The following PRSS3 variants were observed in gnomAD, a reference collection of about 807,000 sequenced individuals.
PRSS3 encodes the protein serine protease 3.
In PRSS3, 14 loss-of-function variants were observed where a neutral mutation model predicts 20.8. The observed-to-expected ratio is 0.67, with a 90% CI of 0.44 to 1.05. PRSS3 has a LOEUF of 1.05. PRSS3 is among the 50% of genes least tolerant of loss of function. PRSS3 has a pLI of 0.00. For missense variants in PRSS3, 237 were observed against 306.4 expected (o/e 0.77, Z 1.69); for synonymous variants, 91 against 117.6 (o/e 0.77, Z 1.46).
chr9:33,755,514 C>A (rs1362789838), intron 1 of PRSS3, among the ~76,000 whole-genome samples: 1 of 152,050 alleles, frequency 6.6e-6, no homozygotes, highest in Non-Finnish European at 1.5e-5. Flanking sequence ...TCCTTTACAC[C>A]CCCACCCTCC....
chr9:33,781,338 C>T (rs1234468756), intron 1 of PRSS3, among the ~76,000 whole-genome samples: 4 of 152,208 alleles, frequency 2.6e-5, no homozygotes, highest in Non-Finnish European at 4.4e-5. Context: ...TGGAATACTA[C>T]ACAGCCCTAA....
intron 1 of PRSS3, among the ~76,000 whole-genome samples, chr9:33,782,057 T>G (rs747930000): frequency 6.6e-6 from 1 of 152,354 alleles, no homozygotes; most frequent in South Asian, 2.1e-4. Context: ...CTGAGGCCTA[T>G]GTAGAGGTCT....
intron 2 of PRSS3, among the ~76,000 whole-genome samples, chr9:33,797,254 G>A (rs1334452409): frequency 1.3e-5 from 2 of 150,728 alleles, no homozygotes; most frequent in African/African-American, 4.9e-5. Flanking sequence ...TCAAACCTGA[G>A]TATGCGTCAA....
At chr9:33,783,907 A>G (rs1413575457) in intron 1 of PRSS3, among the ~76,000 whole-genome samples, 13 of 151,092 alleles carry the variant, frequency 8.6e-5, no homozygotes, top group African/African-American at 2.7e-4. Flanking sequence ...AAAAAAAAAA[A>G]GAAGGAGGAG....
At chr9:33,755,362 G>A (rs916226965) in intron 1 of PRSS3, among the ~76,000 whole-genome samples, 4 of 152,050 alleles carry the variant, frequency 2.6e-5, no homozygotes, top group African/African-American at 9.7e-5. Context: ...AACCCTAGTG[G>A]CAATTACTTT....
chr9:33,764,126 A>G (rs1051410575), intron 1 of PRSS3, among the ~76,000 whole-genome samples: 1 of 152,234 alleles, frequency 6.6e-6, no homozygotes, highest in Admixed American at 6.5e-5. Context: ...AGATGCCAAG[A>G]CAATTCAATA....
chr9:33,794,596 C>A, upstream of PRSS3: 2 of 926,892 alleles, frequency 2.2e-6, no homozygotes, highest in Non-Finnish European at 3.1e-6. Flanking sequence ...TTACCATGTG[C>A]TAAAATCTCT....
At chr9:33,775,436 G>A (rs1368650563) in intron 1 of PRSS3, among the ~76,000 whole-genome samples, 1 of 152,188 alleles carries the variant, frequency 6.6e-6, no homozygotes, top group African/African-American at 2.4e-5. Context: ...CCACAGCTTC[G>A]CTAGCTTGAG....
chr9:33,776,884 AT>A (rs1038410714), intron 1 of PRSS3, among the ~76,000 whole-genome samples: 1 of 152,118 alleles, frequency 6.6e-6, no homozygotes, highest in African/African-American at 2.4e-5. Context: ...AGATATAAAT[AT>A]TAAAAAGCAT....
At chr9:33,765,156 T>C (rs1009452303) in intron 1 of PRSS3, among the ~76,000 whole-genome samples, 2 of 152,230 alleles carry the variant, frequency 1.3e-5, no homozygotes, top group Non-Finnish European at 2.9e-5. Flanking sequence ...GTCATCACCC[T>C]TTATCTGCAG....
chr9:33,786,146 C>T (rs763150944), intron 1 of PRSS3: 5 of 418,154 alleles, frequency 1.2e-5, no homozygotes, highest in Non-Finnish European at 1.7e-5. Context: ...GAAAGAACTA[C>T]GCTGTAGGAA....
intron 1 of PRSS3, among the ~76,000 whole-genome samples, chr9:33,760,471 G>T (rs1823141531): frequency 1.3e-5 from 2 of 152,110 alleles, no homozygotes; most frequent in South Asian, 4.1e-4. Context: ...AAGAGGCCGG[G>T]TGCGGTGGCT....
At chr9:33,780,601 T>C (rs1003545917) in intron 1 of PRSS3, among the ~76,000 whole-genome samples, 3 of 152,132 alleles carry the variant, frequency 2.0e-5, no homozygotes, top group Admixed American at 6.5e-5. Context: ...TTAAAAGACA[T>C]TGAGTGGCAA....
At chr9:33,769,049 T>G (rs1255884657) in intron 1 of PRSS3, among the ~76,000 whole-genome samples, 1 of 152,050 alleles carries the variant, frequency 6.6e-6, no homozygotes, top group Non-Finnish European at 1.5e-5. Context: ...GCAAAGAAAT[T>G]TGTTGAATTG....
In PRSS3 at chr9:33,799,229, T is replaced by C. The variant is rs754124344; in HGVS notation, c.*49T>C. 6.2e-7 allele frequency: 1 copy of C among 1,600,710 alleles called. No individual in the cohort carries two copies. The highest frequency in any genetic ancestry group is 2.2e-5 in the East Asian group (1 of 44,750). ...CTATACCAATAAAGTGGCCCTGCTCTCACTCTGTGTCTGTGCCGGCTCCCT... is the reference window on the plus strand; with the variant it reads ...CTATACCAATAAAGTGGCCCTGCTCCCACTCTGTGTCTGTGCCGGCTCCCT... On this transcript the variant is annotated 3_prime_UTR_variant, in exon 5 of 5. Transcript: ENST00000379405.
chr9:33,773,181 T>C (rs1468356150), intron 1 of PRSS3, among the ~76,000 whole-genome samples: 1 of 152,158 alleles, frequency 6.6e-6, no homozygotes, highest in Non-Finnish European at 1.5e-5. Flanking sequence ...TCTGACTCCT[T>C]CTATCTTATC....
chr9:33,787,441 T>C (rs1489014786), intron 1 of PRSS3, among the ~76,000 whole-genome samples: 2 of 152,308 alleles, frequency 1.3e-5, no homozygotes, highest in Middle Eastern at 3.4e-3. Flanking sequence ...TTGAAATATC[T>C]CCTCTAATGT....
At chr9:33,769,008 C>G (rs746776915) in intron 1 of PRSS3, among the ~76,000 whole-genome samples, 25 of 152,270 alleles carry the variant, frequency 1.6e-4, no homozygotes, top group Admixed American at 2.6e-4. Context: ...GTATTAGAAA[C>G]TAGAAGAAAG....
chr9:33,786,769 T>C, intron 1 of PRSS3: 1 of 765,888 alleles, frequency 1.3e-6, no homozygotes, highest in Non-Finnish European at 2.4e-6. Flanking sequence ...CATTCTCAAC[T>C]CTGACTGTGA....
Sources: allele counts gnomAD v4.1 joint callset (sites outside exome capture counted in the v4.1 genomes callset), GRCh38; gene constraint gnomAD v4.1.1; transcripts MANE v1.5; gene names NCBI Gene and HGNC (gene_info 2026-07-23, HGNC 2026-07-21).